NXPE4: variants seen among roughly 807,000 people sequenced by gnomAD.
NXPE4 encodes neurexophilin and PC-esterase domain family member 4, also known as NXPE family member 4.
In NXPE4, 42 loss-of-function variants were observed where a neutral mutation model predicts 33.3. The ratio of observed to expected loss-of-function variants is 1.26; its 90% confidence interval spans 0.98 to 1.63. NXPE4 has a LOEUF of 1.63. Among genes scored for constraint, NXPE4 ranks in the 40% most tolerant of loss-of-function variants. The probability of loss-of-function intolerance (pLI) is 0.00; values close to 1 mark genes in which losing one functional copy is unlikely to be tolerated. For missense variants in NXPE4, 709 were observed against 647.6 expected, an observed-to-expected ratio of 1.09 and a Z score of -1.03; for synonymous variants, 253 against 234.9, an observed-to-expected ratio of 1.08 and a Z score of -0.71.
the NXPE4 span, among the ~76,000 whole-genome samples, chr11:114,651,504 C>A: frequency 3.3e-5 from 5 of 152,180 alleles, no homozygotes; most frequent in African/African-American, 1.2e-4. Flanking sequence ...AGCAAAAGAA[C>A]AAACCTGCCA....
the NXPE4 span, among the ~76,000 whole-genome samples, chr11:114,618,210 C>T: frequency 1.3e-5 from 2 of 151,876 alleles, no homozygotes; most frequent in African/African-American, 2.4e-5. Context: ...TCATTGGTCA[C>T]CACTGTTACC....
the NXPE4 span, among the ~76,000 whole-genome samples, chr11:114,613,946 G>A: frequency 0.019 from 2,941 of 151,944 alleles, 53 homozygotes; most frequent in Middle Eastern, 0.078. Flanking sequence ...TGCCTCTAGG[G>A]TAATCACTGT....
chr11:114,672,247 A>G, the NXPE4 span, among the ~76,000 whole-genome samples: 1 of 151,928 alleles, frequency 6.6e-6, no homozygotes, highest in Non-Finnish European at 1.5e-5. Flanking sequence ...ATCACACACA[A>G]AAAGCAACTA....
At chr11:114,663,617 CT>C in the NXPE4 span, among the ~76,000 whole-genome samples, 8 of 95,618 alleles carry the variant, frequency 8.4e-5, no homozygotes, top group African/African-American at 1.1e-4. Context: ...ATCTATCTAT[CT>C]ATCTATCTAT....
the NXPE4 span, among the ~76,000 whole-genome samples, chr11:114,615,563 G>A: frequency 1.2e-4 from 18 of 151,812 alleles, no homozygotes; most frequent in Non-Finnish European, 1.8e-4. Context: ...GTTGCTTCGT[G>A]GGTAACCACC....
the NXPE4 span, among the ~76,000 whole-genome samples, chr11:114,604,890 C>G: frequency 2.6e-5 from 4 of 151,924 alleles, no homozygotes; most frequent in African/African-American, 9.7e-5. Context: ...TCACGGGTAA[C>G]CACTGTTACC....
the NXPE4 span, among the ~76,000 whole-genome samples, chr11:114,602,688 TATCTC>T: frequency 7.1e-6 from 1 of 140,292 alleles, no homozygotes; most frequent in South Asian, 2.3e-4. Flanking sequence ...ATGTAATAAT[TATCTC>T]ATATATAATA....
chr11:114,609,931 A>G, the NXPE4 span, among the ~76,000 whole-genome samples: 1 of 151,878 alleles, frequency 6.6e-6, no homozygotes, highest in Non-Finnish European at 1.5e-5. Flanking sequence ...GTGGATAATA[A>G]GTGTTGCCTC....
At chr11:114,643,307 T>A in the NXPE4 span, among the ~76,000 whole-genome samples, 2 of 152,270 alleles carry the variant, frequency 1.3e-5, no homozygotes, top group South Asian at 4.1e-4. Context: ...CTGCTTTTGG[T>A]GTTTTAGTCA....
chr11:114,598,455 G>T (rs531242749), upstream of NXPE4, among the ~76,000 whole-genome samples: 28 of 152,356 alleles, frequency 1.8e-4, no homozygotes, highest in Non-Finnish European at 3.8e-4. Flanking sequence ...CCTCCACACT[G>T]CCCTAGTAGA....
At chr11:114,659,334 G>T in the NXPE4 span, among the ~76,000 whole-genome samples, 1 of 152,050 alleles carries the variant, frequency 6.6e-6, no homozygotes. Context: ...CAGTCATCAA[G>T]ATGAAGTATC....
the NXPE4 span, among the ~76,000 whole-genome samples, chr11:114,647,755 AC>A: frequency 6.6e-6 from 1 of 150,988 alleles, no homozygotes; most frequent in Non-Finnish European, 1.5e-5. Context: ...AGGCTGGAGT[AC>A]AGTGGCATGA....
chr11:114,581,431 G>T (rs1350801916), intron 4 of NXPE4, among the ~76,000 whole-genome samples: 1 of 152,072 alleles, frequency 6.6e-6, no homozygotes, highest in Non-Finnish European at 1.5e-5. Context: ...TAAAGAAGTG[G>T]GTATAGAATT....
the NXPE4 span, among the ~76,000 whole-genome samples, chr11:114,627,218 C>T: frequency 2.6e-5 from 4 of 152,106 alleles, no homozygotes; most frequent in African/African-American, 9.6e-5. Context: ...ACATAATTGT[C>T]AGATTCACCA....
At chr11:114,651,365 C>T in the NXPE4 span, among the ~76,000 whole-genome samples, 1 of 151,844 alleles carries the variant, frequency 6.6e-6, no homozygotes, top group African/African-American at 2.4e-5. Context: ...TTTGTTCCTC[C>T]TGGTGGGTTC....
chr11:114,614,871 C>T, the NXPE4 span, among the ~76,000 whole-genome samples: 1 of 151,712 alleles, frequency 6.6e-6, no homozygotes. Context: ...CCACTGTTTC[C>T]CAGTGTATAA....
chr11:114,594,648 A>T lies in NXPE4; in HGVS notation c.96+16T>A. ...AAATAAGCTTCTGTAAACCACATAA[A>T]TAAAGCATTTCCTACCTTTGTGGAG... On this transcript the variant is annotated intron_variant, in intron 2 of 5. Coordinates refer to ENST00000375478, the MANE Select transcript of NXPE4 (RefSeq NM_001077639.2). 1 of 1,534,046 alleles carries T rather than the reference A, an allele frequency of 6.5e-7. No individual in the cohort carries two copies. The highest frequency in any genetic ancestry group is 9.0e-7 in the Non-Finnish European group (1 of 1,114,586).
intron 2 of NXPE4, chr11:114,583,326 G>T: frequency 1.6e-6 from 1 of 624,398 alleles, no homozygotes; most frequent in South Asian, 1.6e-5. Context: ...TACTATTATG[G>T]ACAAGCCCAC....
chr11:114,648,802 T>G, the NXPE4 span, among the ~76,000 whole-genome samples: 6 of 152,230 alleles, frequency 3.9e-5, no homozygotes, highest in African/African-American at 1.4e-4. Flanking sequence ...ATGTTTACTC[T>G]TCTTGATAGT....
Sources: allele counts gnomAD v4.1 joint callset (sites outside exome capture counted in the v4.1 genomes callset), GRCh38; gene constraint gnomAD v4.1.1; transcripts MANE v1.5; gene names NCBI Gene and HGNC (gene_info 2026-07-23, HGNC 2026-07-21).